DAB1: variants seen among roughly 807,000 people sequenced by gnomAD.
DAB1 encodes the protein disabled homolog 1.
A neutral mutation model predicts 64.6 loss-of-function variants in DAB1; 15 were observed. The ratio of observed to expected loss-of-function variants is 0.23; its 90% confidence interval spans 0.16 to 0.36. The LOEUF (loss-of-function observed/expected upper bound fraction) is 0.36. Ranked by LOEUF, DAB1 falls within the 10% of genes least tolerant of loss-of-function variation. DAB1 has a pLI of 1.00. For synonymous variants in DAB1, 235 were observed against 251.9 expected (o/e 0.93, Z 0.64); for missense variants, 596 against 706.7 (o/e 0.84, Z 1.78).
intron 2 of DAB1, among the ~76,000 whole-genome samples, chr1:57,199,135 C>T (rs1376366685): frequency 1.3e-5 from 2 of 152,226 alleles, no homozygotes; most frequent in African/African-American, 4.8e-5. Context: ...ACTCCACATC[C>T]ACTCCACACA....
At chr1:58,410,206 C>T (rs1644654744) in intron 3 of DAB1, among the ~76,000 whole-genome samples, 1 of 152,214 alleles carries the variant, frequency 6.6e-6, no homozygotes, top group Non-Finnish European at 1.5e-5. Context: ...TGAAAAGATG[C>T]CATGCGGCTT....
At chr1:57,779,650 T>G (rs972140) in intron 6 of DAB1, among the ~76,000 whole-genome samples, 27 of 152,212 alleles carry the variant, frequency 1.8e-4, no homozygotes, top group African/African-American at 6.3e-4. Flanking sequence ...ATATGTTGTG[T>G]GAAGCAGAAA....
At chr1:57,435,797 C>A (rs1444608437) in intron 7 of DAB1, among the ~76,000 whole-genome samples, 1 of 151,648 alleles carries the variant, frequency 6.6e-6, no homozygotes, top group Non-Finnish European at 1.5e-5. Flanking sequence ...AGAAAGAGTA[C>A]ACTTTAAAAT....
intron 4 of DAB1, among the ~76,000 whole-genome samples, chr1:58,341,985 C>T (rs1315267157): frequency 6.6e-6 from 1 of 152,116 alleles, no homozygotes; most frequent in Non-Finnish European, 1.5e-5. Flanking sequence ...AGACACACAA[C>T]AAATAAACAT....
intron 4 of DAB1, among the ~76,000 whole-genome samples, chr1:58,199,260 T>C (rs1479896578): frequency 2.0e-5 from 3 of 151,160 alleles, no homozygotes; most frequent in East Asian, 1.9e-4. Context: ...TGGCTGGCTA[T>C]TTAGTTATGT....
At chr1:58,162,339 C>CT (rs973552387) in intron 4 of DAB1, among the ~76,000 whole-genome samples, 6 of 151,982 alleles carry the variant, frequency 3.9e-5, no homozygotes, top group East Asian at 1.9e-4. Context: ...ACCTTGTTTT[C>CT]TTTTTTTTCT....
intron 4 of DAB1, among the ~76,000 whole-genome samples, chr1:58,247,258 T>TC (rs753824873): frequency 0.068 from 7,613 of 111,622 alleles, 642 homozygotes; most frequent in African/African-American, 0.19. Context: ...ATTTTTCATT[T>TC]CCCCCCCCGC....
At chr1:58,444,342 A>G (rs1645043209) in intron 3 of DAB1, among the ~76,000 whole-genome samples, 1 of 152,266 alleles carries the variant, frequency 6.6e-6, no homozygotes, top group African/African-American at 2.4e-5. Flanking sequence ...CATCAACGGT[A>G]TAAGGTAGGA....
At chr1:57,537,678 T>C (rs915252874) in intron 7 of DAB1, among the ~76,000 whole-genome samples, 1 of 152,194 alleles carries the variant, frequency 6.6e-6, no homozygotes, top group Non-Finnish European at 1.5e-5. Context: ...ACTTCTCTTC[T>C]TCATTAGACT....
chr1:57,846,748 G>A lies in DAB1; in HGVS notation n.88-20293C>T, dbSNP rs941982144. On this transcript the variant is annotated intron_variant and non_coding_transcript_variant, in intron 1 of 1. Coordinates refer to the DAB1 transcript ENST00000477280. The stretch of plus-strand genomic sequence containing the variant: ...AAAGCCAGTCAGGTTTGTCCAGTGA[G>A]TTCTACTGCATAATTCTATCTATGG... Among the ~76,000 whole-genome samples, 44 of 152,154 alleles carry A rather than the reference G, an allele frequency of 2.9e-4. 1 individual carries two copies. Among genetic ancestry groups the A allele is most frequent in the Admixed American group, 1.5e-3 (23 of 15,284 alleles).
At chr1:57,067,556 A>T (rs1002553198) in intron 8 of DAB1, among the ~76,000 whole-genome samples, 2 of 152,184 alleles carry the variant, frequency 1.3e-5, no homozygotes, top group Admixed American at 1.3e-4. Context: ...GCGCATGTGC[A>T]CACGCAAATT....
intron 1 of DAB1, among the ~76,000 whole-genome samples, chr1:57,855,690 A>C (rs1174096275): frequency 6.6e-6 from 1 of 152,188 alleles, no homozygotes; most frequent in East Asian, 1.9e-4. Context: ...AGTAGCTCAG[A>C]GTGAACAAGA....
At chr1:58,227,266 G>A (rs1659541672) in intron 4 of DAB1, among the ~76,000 whole-genome samples, 1 of 152,196 alleles carries the variant, frequency 6.6e-6, no homozygotes, top group African/African-American at 2.4e-5. Context: ...CAATCACAAA[G>A]GTTGCCCAAG....
At chr1:58,018,963 G>A (rs780970991) in intron 5 of DAB1, among the ~76,000 whole-genome samples, 1 of 152,188 alleles carries the variant, frequency 6.6e-6, no homozygotes, top group Non-Finnish European at 1.5e-5. Flanking sequence ...GAGGCAATGT[G>A]ATAGAAAGGA....
At chr1:58,137,997 A>G (rs1654043227) in intron 5 of DAB1, among the ~76,000 whole-genome samples, 1 of 152,150 alleles carries the variant, frequency 6.6e-6, no homozygotes, top group South Asian at 2.1e-4. Flanking sequence ...TACAGCTTAG[A>G]TTTGGGCTGG....
chr1:57,001,375 C>G (rs1645859768), intron 14 of DAB1, among the ~76,000 whole-genome samples: 1 of 152,214 alleles, frequency 6.6e-6, no homozygotes, highest in Non-Finnish European at 1.5e-5. Context: ...CCATCACCCA[C>G]AGGGTAGGTC....
chr1:58,170,089 T>G (rs1408344236), intron 4 of DAB1, among the ~76,000 whole-genome samples: 1 of 152,170 alleles, frequency 6.6e-6, no homozygotes, highest in Non-Finnish European at 1.5e-5. Flanking sequence ...TGGAGATACC[T>G]GGTATCTTAG....
intron 1 of DAB1, among the ~76,000 whole-genome samples, chr1:57,305,566 G>C (rs138794544): frequency 6.6e-6 from 1 of 152,102 alleles, no homozygotes; most frequent in African/African-American, 2.4e-5. Flanking sequence ...AAGCCCTCCC[G>C]CTCCAGGAAG....
chr1:57,059,318 T>C (rs762661952), intron 9 of DAB1, among the ~76,000 whole-genome samples: 13 of 152,178 alleles, frequency 8.5e-5, no homozygotes, highest in Admixed American at 2.6e-4. Context: ...TACACCCAGA[T>C]CTCACTCTGA....
Sources: allele counts gnomAD v4.1 joint callset (sites outside exome capture counted in the v4.1 genomes callset), GRCh38; gene constraint gnomAD v4.1.1; transcripts MANE v1.5; gene names NCBI Gene and HGNC (gene_info 2026-07-23, HGNC 2026-07-21).